The following ST6GALNAC3 variants were observed in gnomAD, a reference collection of about 807,000 sequenced individuals.
ST6GALNAC3 encodes ST6 N-acetylgalactosaminide alpha-2,6-sialyltransferase 3, also known as alpha-N-acetylgalactosaminide alpha-2,6-sialyltransferase 3.
In ST6GALNAC3, 25 loss-of-function variants were observed where a neutral mutation model predicts 32.7. The ratio of observed to expected loss-of-function variants is 0.76; its 90% CI spans 0.56 to 1.07. ST6GALNAC3 has a LOEUF of 1.07. ST6GALNAC3 is among the 50% of genes least tolerant of loss of function. The probability of loss-of-function intolerance (pLI) is 0.00; values close to 1 mark genes in which losing one functional copy is unlikely to be tolerated. For synonymous variants in ST6GALNAC3, 129 were observed against 133.1 expected (o/e 0.97, Z 0.21); for missense variants, 355 against 382.4 (o/e 0.93, Z 0.60).
rs1319580185 is a variant in ST6GALNAC3 at position 76,484,215 on chromosome 1, G to A, written c.623+71798G>A. Among the ~76,000 whole-genome samples, 3 of 152,152 alleles carry A rather than the reference G, an allele frequency of 2.0e-5. No individual in the cohort carries two copies. The East Asian group carries it at 5.8e-4, about 29-fold the overall frequency. On this transcript the variant is annotated intron_variant, in intron 3 of 4. Coordinates refer to ENST00000328299, the MANE Select transcript of ST6GALNAC3 (RefSeq NM_152996.4). ...GACTTGGCAATGTGGGCTCTTTTTT[G>A]GTTCCATATGAACTTTAAAGTAGTT...
intron 2 of ST6GALNAC3, among the ~76,000 whole-genome samples, chr1:76,314,581 A>G (rs536831121): frequency 6.6e-6 from 1 of 152,258 alleles, no homozygotes; most frequent in Non-Finnish European, 1.5e-5. Context: ...ACAGGAGAGG[A>G]TGGAGGTATA....
At position 76,243,976 on chromosome 1, in the gene ST6GALNAC3, C is replaced by A. The variant is rs550769284; in HGVS notation, c.19-69829C>A. Among the ~76,000 whole-genome samples, 6 of 152,230 alleles carry A rather than the reference C, an allele frequency of 3.9e-5. No homozygotes were observed. The East Asian group carries it at 1.2e-3, about 29-fold the overall frequency. On this transcript the variant is annotated intron_variant, in intron 1 of 4. Transcript: ENST00000328299. ...AAATTTAAAGTAGTTTTTTCTAATT[C>A]TGTGAAGAAAGTCAATGGTAGCTTG...
chr1:76,163,538 A>G (rs1651937334), intron 1 of ST6GALNAC3, among the ~76,000 whole-genome samples: 1 of 152,204 alleles, frequency 6.6e-6, no homozygotes, highest in Admixed American at 6.5e-5. Context: ...GGATAGTACC[A>G]TAGTTCATTT....
chr1:76,456,532 A>C (rs1400592314), intron 3 of ST6GALNAC3, among the ~76,000 whole-genome samples: 1 of 152,172 alleles, frequency 6.6e-6, no homozygotes, highest in East Asian at 1.9e-4. Flanking sequence ...TTTAAGTTTT[A>C]TATAATCTTA....
At chr1:76,329,481 G>A (rs955897261) in intron 2 of ST6GALNAC3, among the ~76,000 whole-genome samples, 4 of 152,172 alleles carry the variant, frequency 2.6e-5, no homozygotes, top group African/African-American at 4.8e-5. Flanking sequence ...TTCTATATTG[G>A]CCATTCAATG....
At chr1:76,533,686 T>C (rs561460574) in intron 3 of ST6GALNAC3, among the ~76,000 whole-genome samples, 1 of 152,184 alleles carries the variant, frequency 6.6e-6, no homozygotes, top group African/African-American at 2.4e-5. Context: ...CCCATTCCTC[T>C]CTCAGCCTGA....
At chr1:76,186,944 G>T (rs1653593349) in intron 1 of ST6GALNAC3, among the ~76,000 whole-genome samples, 1 of 152,180 alleles carries the variant, frequency 6.6e-6, no homozygotes. Flanking sequence ...TGAGGCAACT[G>T]CTGCCATAAT....
intron 3 of ST6GALNAC3, among the ~76,000 whole-genome samples, chr1:76,600,260 C>T (rs1033227918): frequency 3.9e-5 from 6 of 152,074 alleles, no homozygotes; most frequent in South Asian, 4.2e-4. Flanking sequence ...ATGTAGGCAC[C>T]GTCATCTCAG....
intron 2 of ST6GALNAC3, among the ~76,000 whole-genome samples, chr1:76,329,816 A>AT (rs1458957735): frequency 2.7e-5 from 4 of 150,776 alleles, no homozygotes; most frequent in African/African-American, 9.8e-5. Context: ...TTATTTATTT[A>AT]TTTATTTTTT....
chr1:76,502,001 C>G (rs1160238462), intron 3 of ST6GALNAC3, among the ~76,000 whole-genome samples: 3 of 152,306 alleles, frequency 2.0e-5, no homozygotes, highest in African/African-American at 7.2e-5. Flanking sequence ...TCACATACTC[C>G]CACAATCCAC....
chr1:76,422,153 C>T (rs1655069704), intron 3 of ST6GALNAC3, among the ~76,000 whole-genome samples: 1 of 151,866 alleles, frequency 6.6e-6, no homozygotes. Context: ...ATATCTCAAG[C>T]ACCTAGAAGA....
At chr1:76,606,856 GT>G (rs545990475) in intron 3 of ST6GALNAC3, among the ~76,000 whole-genome samples, 9,481 of 136,342 alleles carry the variant, frequency 0.07, 346 homozygotes, top group African/African-American at 0.11. Context: ...AAATGTGTGG[GT>G]TTTTTTTTTT....
intron 1 of ST6GALNAC3, among the ~76,000 whole-genome samples, chr1:76,156,965 T>C (rs960866273): frequency 2.0e-5 from 3 of 152,190 alleles, no homozygotes; most frequent in Non-Finnish European, 4.4e-5. Context: ...TCTTCTGACC[T>C]CGTGATCTGC....
In ST6GALNAC3 at chr1:76,091,020, C is replaced by T. The variant is rs1146666; in HGVS notation, c.18+16136C>T. On this transcript the variant is annotated intron_variant, in intron 1 of 4. Transcript: ENST00000328299. ...ATGACAGCCTTGCAATTGCGCAGGC[C>T]GAATGTTTATCAGAAAACTGTAAGT... 9.5e-3 allele frequency among the ~76,000 whole-genome samples: 1,443 copies of T among 152,176 alleles called. 34 individuals carry two copies. The highest frequency in any genetic ancestry group is 0.033 in the African/African-American group (1,364 of 41,508).
At chr1:76,468,840 G>A (rs1658827630) in intron 3 of ST6GALNAC3, among the ~76,000 whole-genome samples, 1 of 151,890 alleles carries the variant, frequency 6.6e-6, no homozygotes, top group Admixed American at 6.6e-5. Context: ...ATTGGTTTTA[G>A]GTAAATACTT....
At chr1:76,513,507 G>A (rs1468985313) in intron 3 of ST6GALNAC3, among the ~76,000 whole-genome samples, 6 of 152,078 alleles carry the variant, frequency 3.9e-5, no homozygotes, top group Non-Finnish European at 4.4e-5. Context: ...TTATATGTTA[G>A]TACCATAATG....
Position 76,313,969 on chromosome 1 carries a change from C to G in ST6GALNAC3, c.183C>G (p.His61Gln). The G allele has an allele frequency of 6.2e-7, 1 of 1,613,000 alleles. No individual in the cohort carries two copies. The highest frequency in any genetic ancestry group is 8.5e-7 in the Non-Finnish European group (1 of 1,179,400). The change falls in exon 2 of 5, where the codon CAC (histidine) becomes CAG (glutamine). Residue 61 changes from histidine (H) to glutamine (Q), a missense_variant. Physicochemically the swap from His to Gln is conservative, Grantham distance 24. Coordinates refer to ENST00000328299, the MANE Select transcript of ST6GALNAC3 (RefSeq NM_152996.4). ...SYTYRRPLRTHYGYINVKTQE... is the reference protein window; with the variant it reads ...SYTYRRPLRTQYGYINVKTQE... ...CATACAGGCGGCCCCTTCGAACTCA[C>G]TATGGATACATAAATGTGAAGACAC... is the stretch of plus-strand genomic sequence containing the variant.
intron 1 of ST6GALNAC3, among the ~76,000 whole-genome samples, chr1:76,233,723 T>C (rs1217460741): frequency 6.6e-6 from 1 of 152,230 alleles, no homozygotes; most frequent in African/African-American, 2.4e-5. Flanking sequence ...TAGATACTTA[T>C]CTATGTATTT....
At chr1:76,571,452 A>G (rs1436193310) in intron 3 of ST6GALNAC3, among the ~76,000 whole-genome samples, 2 of 152,106 alleles carry the variant, frequency 1.3e-5, no homozygotes, top group Non-Finnish European at 2.9e-5. Context: ...TTTCACAGCC[A>G]TGATTTTATC....
Sources: allele counts gnomAD v4.1 joint callset (sites outside exome capture counted in the v4.1 genomes callset), GRCh38; gene constraint gnomAD v4.1.1; transcripts MANE v1.5; gene names NCBI Gene and HGNC (gene_info 2026-07-23, HGNC 2026-07-21).